CNOT1: variants seen among roughly 807,000 people sequenced by gnomAD.
The protein encoded by CNOT1 is CCR4-associated factor 1.
Under a neutral mutation model 273.8 loss-of-function variants are expected in CNOT1, and 15 were observed. That is an observed-to-expected ratio of 0.05 (90% CI 0.04 to 0.08). CNOT1 has a LOEUF of 0.08. Among genes scored for constraint, CNOT1 ranks in the 10% least tolerant of loss-of-function variants. The pLI, the probability that CNOT1 is intolerant of heterozygous loss-of-function variation, is 1.00. For synonymous variants in CNOT1, 1,022 were observed against 1,005.5 expected, an observed-to-expected ratio of 1.02 and a Z score of -0.31; for missense variants, 1,644 against 2,912.2, an observed-to-expected ratio of 0.56 and a Z score of 10.02.
chr16:58,585,191 A>G (rs1376283837), intron 8 of CNOT1, 147 bp downstream of exon 8: 7 of 1,127,966 alleles, frequency 6.2e-6, no homozygotes, highest in African/African-American at 3.2e-5. Flanking sequence ...TGTCACACAC[A>G]CTAGTTCGTG....
chr16:58,587,141 A>T (rs2041900923), intron 6 of CNOT1, 60 bp downstream of exon 6: 1 of 1,579,088 alleles, frequency 6.3e-7, no homozygotes, highest in Non-Finnish European at 8.6e-7. Flanking sequence ...GAGCCTCATG[A>T]TTAAAAACCC....
intron 2 of CNOT1, among the ~76,000 whole-genome samples, chr16:58,593,461 A>G (rs186857604): frequency 2.3e-4 from 35 of 152,186 alleles, no homozygotes; most frequent in South Asian, 1.5e-3. Flanking sequence ...TGGGAGGCTG[A>G]GACAGGAGAA....
chr16:58,627,616 G>C (rs2043640981), intron 1 of CNOT1, among the ~76,000 whole-genome samples: 1 of 151,382 alleles, frequency 6.6e-6, no homozygotes, highest in Non-Finnish European at 1.5e-5. Flanking sequence ...CAACATCTAT[G>C]TTAAAGAGAC....
intron 1 of CNOT1, among the ~76,000 whole-genome samples, chr16:58,605,294 G>GGA (rs1450339616): frequency 6.6e-6 from 1 of 152,092 alleles, no homozygotes; most frequent in African/African-American, 2.4e-5. Flanking sequence ...CCTGAGGTCA[G>GGA]GAGTTCAAGA....
intron 1 of CNOT1, among the ~76,000 whole-genome samples, chr16:58,601,604 C>T (rs2042465457): frequency 6.6e-6 from 1 of 152,040 alleles, no homozygotes; most frequent in Non-Finnish European, 1.5e-5. Context: ...CTAACAGTTT[C>T]TTAATGTATA....
chr16:58,612,762 A>C (rs769913859), intron 1 of CNOT1, among the ~76,000 whole-genome samples: 3 of 152,174 alleles, frequency 2.0e-5, no homozygotes, highest in Admixed American at 6.6e-5. Flanking sequence ...ACACTTACTA[A>C]TATTAACTAC....
chr16:58,545,056 C>T (rs941671029), intron 30 of CNOT1, among the ~76,000 whole-genome samples: 5 of 152,218 alleles, frequency 3.3e-5, no homozygotes, highest in Admixed American at 3.3e-4. Context: ...CTATGATATA[C>T]ATTAAGCATC....
rs186793435 is a variant in CNOT1 at position 58,540,402 on chromosome 16, A to G, written c.4801-443T>C. Among the ~76,000 whole-genome samples the G allele has an allele frequency of 2.6e-5, 4 of 152,362 alleles. No individual in the cohort carries two copies. The East Asian group carries it at 7.7e-4, about 29-fold the overall frequency. ...ACAGCATTACTTCTGAGCTATTCCTATTTTTAAAAACACATTACCTGAACC... is the reference window on the plus strand; with the variant it reads ...ACAGCATTACTTCTGAGCTATTCCTGTTTTTAAAAACACATTACCTGAACC... On this transcript the variant is annotated intron_variant, in intron 34 of 48. Transcript: ENST00000317147.
chr16:58,561,058 G>A (rs2040822027), intron 16 of CNOT1, among the ~76,000 whole-genome samples: 1 of 152,162 alleles, frequency 6.6e-6, no homozygotes, highest in African/African-American at 2.4e-5. Flanking sequence ...CATGGCATGT[G>A]CCTGTAATCC....
At chr16:58,536,768 A>C (rs574335034) in intron 39 of CNOT1, among the ~76,000 whole-genome samples, 10 of 152,300 alleles carry the variant, frequency 6.6e-5, no homozygotes, top group African/African-American at 2.4e-4. Context: ...CTGAAATGGA[A>C]TATACAGAAC....
In CNOT1 at chr16:58,530,857, T is replaced by G. The variant is rs182993697; in HGVS notation, c.6178-510A>C. Among the ~76,000 whole-genome samples, 430 of 150,510 alleles carry G rather than the reference T, an allele frequency of 2.9e-3. 2 individuals are homozygous for G. The highest frequency in any genetic ancestry group is 9.9e-3 in the African/African-American group (408 of 41,068). On this transcript the variant is annotated intron_variant, in intron 42 of 48. Transcript: ENST00000317147. ...AAAAAGGACCAAGTTATTATGGAGA[T>G]AGTGGGAAATAATATTTGAAAAAAA...
chr16:58,530,527 A>G (rs992009940), intron 42 of CNOT1, 180 bp from the exon 43 acceptor site: 4 of 430,924 alleles, frequency 9.3e-6, no homozygotes, highest in Non-Finnish European at 1.6e-5. Context: ...TGACGCCTGT[A>G]ATCCCAGCAC....
At chr16:58,597,333 G>C (rs2042300476) in intron 2 of CNOT1, among the ~76,000 whole-genome samples, 1 of 151,916 alleles carries the variant, frequency 6.6e-6, no homozygotes, top group African/African-American at 2.4e-5. Flanking sequence ...AAATTAGCTG[G>C]GTGTGGTGGT....
rs151813 is a variant in CNOT1 at position 58,625,310 on chromosome 16, C to T, written c.-175+4418G>A. On this transcript the variant is annotated intron_variant, in intron 1 of 48. Coordinates refer to ENST00000317147, the MANE Select transcript of CNOT1 (RefSeq NM_016284.5). Reference sequence around the variant, plus strand: ...GGTGGATCACCTGAGGTCAGGAGTTCGAGACCAGCCTGACTAACGTGGTGA... The same window carrying T: ...GGTGGATCACCTGAGGTCAGGAGTTTGAGACCAGCCTGACTAACGTGGTGA... 2.0e-5 allele frequency among the ~76,000 whole-genome samples: 3 copies of T among 151,308 alleles called. No homozygotes were observed. The East Asian group carries it at 5.8e-4, about 29-fold the overall frequency.
At chr16:58,521,356 C>A (rs767257692) in intron 47 of CNOT1, 39 bp from the exon 48 acceptor site, 1 of 1,551,662 alleles carries the variant, frequency 6.4e-7, no homozygotes, top group South Asian at 1.2e-5. Context: ...TGTATAGAAG[C>A]ATACAAATTC....
In CNOT1 at chr16:58,574,718, A is replaced by G. The variant is rs1456334697; in HGVS notation, c.1870T>C (p.Cys624Arg). The G allele has an allele frequency of 6.2e-7, 1 of 1,606,758 alleles. No homozygotes were observed. The highest frequency in any genetic ancestry group is 2.2e-5 in the East Asian group (1 of 44,862). ...QACMTFLKRR[C>R]PSILGGLAPE... ...GCAAGTCCGCCCAAAATAGAAGGAC[A>G]CCGTCTCTTTAAAAAAGTCATACAC... Residue 624 changes from cysteine to arginine, a missense_variant, in exon 16 of 49, where the codon TGT (cysteine) becomes CGT (arginine). Physicochemically the swap from Cys to Arg is radical, Grantham distance 180. Around this residue, in one of 13 missense-constraint regions of CNOT1, gnomAD observed 706 missense variants for 1,021.2 expected, o/e 0.69. Transcript: ENST00000317147.
intron 10 of CNOT1, among the ~76,000 whole-genome samples, chr16:58,581,950 T>G (rs2041672718): frequency 6.6e-6 from 1 of 152,050 alleles, no homozygotes; most frequent in East Asian, 1.9e-4. Context: ...GGAGTGAGCC[T>G]CCACAACCGG....
Position 58,530,284 on chromosome 16 carries a change from T to G in CNOT1, c.6241A>C (p.Asn2081His). The G allele has an allele frequency of 6.2e-7, 1 of 1,612,440 alleles. No individual in the cohort carries two copies. Among genetic ancestry groups the G allele is most frequent in the Non-Finnish European group, 8.5e-7 (1 of 1,178,870 alleles). The change falls in exon 43 of 49, where the codon AAT becomes CAT. Residue 2081 changes from asparagine (N) to histidine (H), a missense_variant. Physicochemically the swap from Asn to His is moderately conservative, Grantham distance 68 (BLOSUM62 1). Around this residue, in one of 13 missense-constraint regions of CNOT1, gnomAD observed 25 missense variants for 31.2 expected, o/e 0.80. Coordinates refer to ENST00000317147, the MANE Select transcript of CNOT1 (RefSeq NM_016284.5). Reference protein sequence around the residue: ...LFKYLAPFLRNVELTKPMQIL... With the variant: ...LFKYLAPFLRHVELTKPMQIL... ...TGCATAGGTTTGGTGAGTTCCACATTTCTAAGGAAAGGCGCTAAATATTTG... is the reference window on the plus strand; with the variant it reads ...TGCATAGGTTTGGTGAGTTCCACATGTCTAAGGAAAGGCGCTAAATATTTG...
At chr16:58,522,536 A>G (rs2151888683) in intron 47 of CNOT1, among the ~76,000 whole-genome samples, 1 of 151,058 alleles carries the variant, frequency 6.6e-6, no homozygotes, top group South Asian at 2.1e-4. Flanking sequence ...AAGTTTTAAG[A>G]GTCTGGCCCA....
Sources: allele counts gnomAD v4.1 joint callset (sites outside exome capture counted in the v4.1 genomes callset), GRCh38; gene constraint gnomAD v4.1.1; regional missense constraint gnomAD v4.1.1; transcripts MANE v1.5; gene names NCBI Gene and HGNC (gene_info 2026-07-23, HGNC 2026-07-21).